Variants in GAS7 observed in about 807,000 individuals in gnomAD.
The protein encoded by GAS7 is growth arrest specific 7.
Under a neutral mutation model 71.1 loss-of-function variants are expected in GAS7, and 28 were observed. The observed-to-expected ratio is 0.39, with a 90% CI of 0.29 to 0.54. The LOEUF (loss-of-function observed/expected upper bound fraction) is 0.54, where lower values mean the gene tolerates loss of function less well. Ranked by LOEUF, GAS7 falls within the 20% of genes least tolerant of loss-of-function variation. The probability of loss-of-function intolerance (pLI) is 0.62; values close to 1 mark genes in which losing one functional copy is unlikely to be tolerated. For missense variants in GAS7, 436 were observed against 627.8 expected (o/e 0.69, Z 3.27); for synonymous variants, 258 against 245.8 (o/e 1.05, Z -0.46).
At chr17:10,064,040 A>G (rs1157919051) in intron 1 of GAS7, among the ~76,000 whole-genome samples, 1 of 152,128 alleles carries the variant, frequency 6.6e-6, no homozygotes, top group Non-Finnish European at 1.5e-5. Context: ...CAGCTCGAAC[A>G]TTAGTCACAC....
intron 1 of GAS7, among the ~76,000 whole-genome samples, chr17:10,025,126 G>T (rs372513377): frequency 6.6e-6 from 1 of 152,174 alleles, no homozygotes; most frequent in Non-Finnish European, 1.5e-5. Context: ...CAGCTGGCGA[G>T]ATGCAGTGAC....
Position 9,926,891 on chromosome 17 carries a change from C to T in GAS7, c.886-122G>A, listed in dbSNP as rs921531453. 1.3e-5 allele frequency: 13 copies of T among 1,039,734 alleles called. No homozygotes were observed. The East Asian group carries it at 1.9e-4, about 15-fold the overall frequency. 64.4% of individuals were successfully genotyped at this position (1,039,734 alleles called of 1,614,324 possible). ...GCAAGTGAGGATGAGTCTGGGGTAG[C>T]GACCTGGCAGGAAGGTGAGAGACAC... On this transcript the variant is annotated intron_variant, in intron 9 of 13. Transcript: ENST00000432992. This position sits in a 1 kb window ranked among gnomAD's most constrained non-coding sequence, Gnocchi z 5.0.
chr17:10,191,831 C>T (rs996268413), intron 1 of GAS7, among the ~76,000 whole-genome samples: 61 of 141,628 alleles, frequency 4.3e-4, no homozygotes, highest in African/African-American at 1.3e-3. Flanking sequence ...GCCGAGATCA[C>T]GCCACTGCAC....
At chr17:9,945,335 G>GA (rs1378181783) in intron 6 of GAS7, among the ~76,000 whole-genome samples, 3 of 149,306 alleles carry the variant, frequency 2.0e-5, no homozygotes, top group Non-Finnish European at 4.4e-5. Context: ...TGCTGCTTAA[G>GA]ACCTTCTAAC....
chr17:10,049,971 A>G (rs2073040584), intron 1 of GAS7, among the ~76,000 whole-genome samples: 1 of 152,146 alleles, frequency 6.6e-6, no homozygotes, highest in African/African-American at 2.4e-5. Flanking sequence ...TAAATATACT[A>G]TATGATCCCA....
At chr17:10,172,397 T>G (rs1241747470) in intron 1 of GAS7, among the ~76,000 whole-genome samples, 1 of 152,058 alleles carries the variant, frequency 6.6e-6, no homozygotes, top group East Asian at 1.9e-4. Flanking sequence ...CACAGCACTG[T>G]GCATAACACT....
At position 10,100,180 on chromosome 17, in the gene GAS7, A is replaced by C. The variant is rs1409583661; in HGVS notation, c.184-80283T>G. Among the ~76,000 whole-genome samples, 3 of 152,242 alleles carry C rather than the reference A, an allele frequency of 2.0e-5. No individual in the cohort carries two copies. The East Asian group carries it at 5.8e-4, about 29-fold the overall frequency. ...GAACAATTGATACACGGCTCTTTAC[A>C]TCCTTGACTTTTTGTGGTTGATTTC... On this transcript the variant is annotated intron_variant, in intron 1 of 13. Coordinates refer to ENST00000432992, the MANE Select transcript of GAS7 (RefSeq NM_201433.2).
At chr17:10,107,317 G>C (rs565908327) in intron 1 of GAS7, among the ~76,000 whole-genome samples, 1 of 151,390 alleles carries the variant, frequency 6.6e-6, no homozygotes, top group Non-Finnish European at 1.5e-5. Context: ...TTATAGGAAC[G>C]GCCCCAGGTT....
chr17:10,106,794 AT>A (rs2073761362), intron 1 of GAS7, among the ~76,000 whole-genome samples: 1 of 150,730 alleles, frequency 6.6e-6, no homozygotes, highest in African/African-American at 2.4e-5. Flanking sequence ...CCCCCCCCAA[AT>A]ATATTAATAT....
In GAS7 at chr17:10,148,727, C is replaced by T. The variant is rs566695228; in HGVS notation, c.183+49481G>A. Among the ~76,000 whole-genome samples, 17 of 151,430 alleles carry T rather than the reference C, an allele frequency of 1.1e-4. No individual in the cohort carries two copies. In the East Asian group the frequency reaches 2.9e-3, roughly 26 times the overall value. ...GAGATCGAGACCATCCTGGCTAACA[C>T]GGTGAAACCCCATCTCTACTAAAAA... is the stretch of plus-strand genomic sequence containing the variant. On this transcript the variant is annotated intron_variant, in intron 1 of 13. Coordinates refer to ENST00000432992, the MANE Select transcript of GAS7 (RefSeq NM_201433.2).
At chr17:10,065,782 T>C (rs916866020) in intron 1 of GAS7, among the ~76,000 whole-genome samples, 5 of 152,212 alleles carry the variant, frequency 3.3e-5, no homozygotes, top group Non-Finnish European at 7.3e-5. Flanking sequence ...AGTTGGACCA[T>C]GGATCAGAAA....
chr17:9,947,461 G>T (rs2068829776), intron 5 of GAS7, among the ~76,000 whole-genome samples: 1 of 152,116 alleles, frequency 6.6e-6, no homozygotes, highest in Non-Finnish European at 1.5e-5. Context: ...AATTAGGAAA[G>T]CGGCCGGGCG....
Position 9,919,851 on chromosome 17 carries a change from G to A in GAS7, c.1139-146C>T, listed in dbSNP as rs2067731644. 19 of 699,204 alleles carry A rather than the reference G, an allele frequency of 2.7e-5. No individual in the cohort carries two copies. The highest frequency in any genetic ancestry group is 2.4e-4 in the South Asian group (15 of 62,342). 43.3% of individuals were successfully genotyped at this position (699,204 alleles called of 1,614,324 possible). A position where few individuals can be genotyped will look rare whatever the true frequency, so the allele number is the denominator to read the frequency against. On this transcript the variant is annotated intron_variant, in intron 11 of 13. Coordinates refer to ENST00000432992, the MANE Select transcript of GAS7 (RefSeq NM_201433.2). This position sits in a 1 kb window ranked among gnomAD's most constrained non-coding sequence, Gnocchi z 5.0. ...GCTGGAAAAGGGATGGCAGTAGGAA[G>A]AAGAAGAAAGCAGAGCCAGGGAAGG...
intron 2 of GAS7, among the ~76,000 whole-genome samples, chr17:9,994,798 T>A (rs1409968835): frequency 6.6e-6 from 1 of 151,744 alleles, no homozygotes; most frequent in African/African-American, 2.4e-5. Flanking sequence ...AGGGCTAATA[T>A]CCAGAATCTA....
chr17:10,128,241 G>T (rs754945717), intron 1 of GAS7, among the ~76,000 whole-genome samples: 2 of 152,230 alleles, frequency 1.3e-5, no homozygotes, highest in African/African-American at 2.4e-5. Flanking sequence ...TGCAGACTTC[G>T]AGAGGAAACA....
chr17:10,191,311 T>C (rs2074497634), intron 1 of GAS7, among the ~76,000 whole-genome samples: 1 of 152,158 alleles, frequency 6.6e-6, no homozygotes, highest in Admixed American at 6.6e-5. Context: ...GGCTCATGCC[T>C]GTAATCTCAG....
At chr17:9,944,707 G>A (rs1008523438) in intron 6 of GAS7, among the ~76,000 whole-genome samples, 12 of 152,166 alleles carry the variant, frequency 7.9e-5, no homozygotes, top group African/African-American at 2.2e-4. Flanking sequence ...ACCATCCTAC[G>A]GGGTCACAGT....
At chr17:10,128,174 T>C (rs1278306509) in intron 1 of GAS7, among the ~76,000 whole-genome samples, 1 of 152,220 alleles carries the variant, frequency 6.6e-6, no homozygotes, top group Non-Finnish European at 1.5e-5. Context: ...GCGGCTCCAG[T>C]GCCCAACCCA....
At chr17:10,120,590 T>C (rs2073896482) in intron 1 of GAS7, among the ~76,000 whole-genome samples, 1 of 152,158 alleles carries the variant, frequency 6.6e-6, no homozygotes, top group African/African-American at 2.4e-5. Context: ...CAGGTGCCTG[T>C]AATCCCAGCT....
Sources: allele counts gnomAD v4.1 joint callset (sites outside exome capture counted in the v4.1 genomes callset), GRCh38; gene constraint gnomAD v4.1.1; non-coding constraint Gnocchi (gnomAD v3.1); transcripts MANE v1.5; gene names NCBI Gene and HGNC (gene_info 2026-07-23, HGNC 2026-07-21).